Variants in FBXO2 observed in about 807,000 individuals in gnomAD.
FBXO2 encodes the protein F-box protein 2, also known as F-box only protein 2.
FBXO2 carries 32 observed loss-of-function variants against 38.6 expected under a neutral mutation model. That is an observed-to-expected ratio of 0.83 (90% CI 0.62 to 1.11). The LOEUF (loss-of-function observed/expected upper bound fraction) is 1.11, where lower values mean the gene tolerates loss of function less well. FBXO2 is among the 50% of genes most tolerant of loss of function. The pLI, the probability that FBXO2 is intolerant of heterozygous loss-of-function variation, is 0.00. For synonymous variants in FBXO2, 189 were observed against 182.9 expected, an observed-to-expected ratio of 1.03 and a Z score of -0.27; for missense variants, 450 against 418.3, an observed-to-expected ratio of 1.08 and a Z score of -0.66.
At chr1:11,652,981 G>T (rs1639554667) in intron 1 of FBXO2, among the ~76,000 whole-genome samples, 1 of 152,206 alleles carries the variant, frequency 6.6e-6, no homozygotes, top group South Asian at 2.1e-4. Context: ...TCTTTATGAT[G>T]TGGGGATTTA....
intron 1 of FBXO2, among the ~76,000 whole-genome samples, chr1:11,653,061 C>A (rs1330296622): frequency 6.6e-6 from 1 of 152,234 alleles, no homozygotes; most frequent in Non-Finnish European, 1.5e-5. Flanking sequence ...GACCACATCG[C>A]AGAACGGCAG....
intron 1 of FBXO2, among the ~76,000 whole-genome samples, chr1:11,653,859 C>A (rs1220388653): frequency 6.6e-6 from 1 of 152,180 alleles, no homozygotes; most frequent in Non-Finnish European, 1.5e-5. Context: ...GAGGGGCAGC[C>A]CCTCCAGACA....
At position 11,650,748 on chromosome 1, in the gene FBXO2, C is replaced by T. The variant is rs572164329; in HGVS notation, c.109G>A (p.Glu37Lys). ...AEEERPEDQQ[E>K]EEAAAAAAYL... ...GCGGCGGCGGCCGCCGCCTCCTCCT[C>T]CTGCTGGTCCTCCGGCCGCTCCTCC... Residue 37 changes from glutamate to lysine, a missense_variant, in exon 2 of 6, where the codon GAG becomes AAG. Glu to Lys is a moderately conservative substitution (Grantham distance 56). Transcript: ENST00000354287. 2.0e-6 allele frequency: 3 copies of T among 1,531,738 alleles called. No homozygotes were observed. Among genetic ancestry groups the T allele is most frequent in the East Asian group, 2.5e-5 (1 of 40,382 alleles). 94.9% of individuals were successfully genotyped at this position (1,531,738 alleles called of 1,614,324 possible).
chr1:11,648,528 G>T lies in FBXO2; in HGVS notation c.*166C>A. 1 of 974,436 alleles carries T rather than the reference G, an allele frequency of 1.0e-6. No homozygotes were observed. Among genetic ancestry groups the T allele is most frequent in the Non-Finnish European group, 1.5e-6 (1 of 671,122 alleles). 60.4% of individuals were successfully genotyped at this position (974,436 alleles called of 1,614,324 possible). A position where few individuals can be genotyped will look rare whatever the true frequency, so the allele number is the denominator to read the frequency against. On this transcript the variant is annotated 3_prime_UTR_variant, in exon 6 of 6. Coordinates refer to ENST00000354287, the MANE Select transcript of FBXO2 (RefSeq NM_012168.6). This position sits in a 1 kb window ranked among gnomAD's most constrained non-coding sequence, Gnocchi z 4.2. ...AAGCCGGCTACCTAAGCAAACCTAT[G>T]CCAACAAAACTTCTCTCTCCCTGCT...
chr1:11,652,433 G>A (rs1336289406), intron 1 of FBXO2, among the ~76,000 whole-genome samples: 1 of 152,184 alleles, frequency 6.6e-6, no homozygotes, highest in Non-Finnish European at 1.5e-5. Context: ...TAATCATTGT[G>A]CCAGGCCATA....
Position 11,650,642 on chromosome 1 carries a change from C to T in FBXO2, c.215G>A (p.Arg72His), listed in dbSNP as rs764170866. The T allele has an allele frequency of 1.3e-5, 21 of 1,574,060 alleles. No individual in the cohort carries two copies. The highest frequency in any genetic ancestry group is 1.8e-5 in the Admixed American group (1 of 56,238). Residue 72 changes from arginine (R) to histidine (H), a missense_variant, in exon 2 of 6, where the codon CGC becomes CAC. By Grantham distance (29) the Arg-to-His change is conservative (BLOSUM62 0). Coordinates refer to ENST00000354287, the MANE Select transcript of FBXO2 (RefSeq NM_012168.6). ...CTCCTTCCAGCGCAGGCACACCAGG[C>T]GGCAGGCCTGCACCAGCTCGGCGGC... ...LPAAELVQAC[R>H]LVCLRWKELV...
At chr1:11,654,143 A>G in intron 1 of FBXO2, 176 bp downstream of exon 1, 1 of 638,320 alleles carries the variant, frequency 1.6e-6, no homozygotes, top group Non-Finnish European at 2.5e-6. Flanking sequence ...CTCCCGCCAG[A>G]CCAAGATAGC....
At chr1:11,654,274 C>G (rs1207220371) in intron 1 of FBXO2, 45 bp downstream of exon 1, 1 of 1,487,256 alleles carries the variant, frequency 6.7e-7, no homozygotes, top group Non-Finnish European at 8.9e-7. Flanking sequence ...CCCGCCGACC[C>G]CATCTCCCCT....
Position 11,649,230 on chromosome 1 carries a change from T to C in FBXO2, c.618-5A>G, listed in dbSNP as rs879582563. 7.5e-7 allele frequency: 1 copy of C among 1,325,732 alleles called. No individual in the cohort carries two copies. Among genetic ancestry groups the C allele is most frequent in the Non-Finnish European group, 1.0e-6 (1 of 991,858 alleles). 82.1% of individuals were successfully genotyped at this position (1,325,732 alleles called of 1,614,324 possible). On this transcript the variant is annotated splice_polypyrimidine_tract_variant and splice_region_variant and intron_variant, in intron 4 of 5. Transcript: ENST00000354287. Reference sequence around the variant, plus strand: ...GCGTCGCTGCGGCCCGAGTACCTGCTCAGAGGGAGGGAGCGAGGTGGGGGG... The same window carrying C: ...GCGTCGCTGCGGCCCGAGTACCTGCCCAGAGGGAGGGAGCGAGGTGGGGGG...
At position 11,650,773 on chromosome 1, in the gene FBXO2, C is replaced by G; in HGVS notation, c.84G>C (p.Glu28Asp). 1 of 1,535,024 alleles carries G rather than the reference C, an allele frequency of 6.5e-7. No individual in the cohort carries two copies. The highest frequency in any genetic ancestry group is 8.7e-7 in the Non-Finnish European group (1 of 1,146,202). ...PEEQPEEASAEEERPEDQQEE... is the reference protein window; with the variant it reads ...PEEQPEEASADEERPEDQQEE... ...CCTGCTGGTCCTCCGGCCGCTCCTCCTCAGCACTCGCCTCCTCTGGCTGCT... is the reference window on the plus strand; with the variant it reads ...CCTGCTGGTCCTCCGGCCGCTCCTCGTCAGCACTCGCCTCCTCTGGCTGCT... Residue 28 changes from glutamate (E) to aspartate (D), a missense_variant, in exon 2 of 6, where the codon GAG (glutamate) becomes GAC (aspartate). Glu to Asp is a conservative substitution (Grantham distance 45). Transcript: ENST00000354287.
At position 11,649,488 on chromosome 1, in the gene FBXO2, C is replaced by T. The variant is rs1639476882; in HGVS notation, c.618-263G>A. 1.0e-5 allele frequency: 6 copies of T among 589,648 alleles called. No homozygotes were observed. In the Admixed American group the frequency reaches 1.8e-4, roughly 18 times the overall value. The allele number at this position is 589,648 out of a possible 1,614,324, so 36.5% of individuals were successfully genotyped here. ...CCAGCTTGGGGCCAAAGCCAGTCCACAGAGTGGCCTTTGGTTTGGACCGCA... is the reference window on the plus strand; with the variant it reads ...CCAGCTTGGGGCCAAAGCCAGTCCATAGAGTGGCCTTTGGTTTGGACCGCA... On this transcript the variant is annotated intron_variant, in intron 4 of 5. Coordinates refer to ENST00000354287, the MANE Select transcript of FBXO2 (RefSeq NM_012168.6).
intron 1 of FBXO2, chr1:11,654,071 T>G: frequency 4.6e-6 from 2 of 436,122 alleles, no homozygotes; most frequent in Non-Finnish European, 8.1e-6. Context: ...GGTCCTCTGG[T>G]GCTACTTCCT....
Position 11,650,718 on chromosome 1 carries a change from G to C in FBXO2, c.139C>G (p.Leu47Val). ...EEEAAAAAAYLDELPEPLLLR... is the reference protein window; with the variant it reads ...EEEAAAAAAYVDELPEPLLLR... ...AGCAGCGGCTCGGGCAGCTCGTCCAGGTACGCGGCGGCGGCCGCCGCCTCC... is the reference window on the plus strand; with the variant it reads ...AGCAGCGGCTCGGGCAGCTCGTCCACGTACGCGGCGGCGGCCGCCGCCTCC... The change falls in exon 2 of 6, where the codon CTG (leucine) becomes GTG (valine). Residue 47 changes from leucine to valine, a missense_variant. Coordinates refer to ENST00000354287, the MANE Select transcript of FBXO2 (RefSeq NM_012168.6). 3 of 1,516,702 alleles carry C rather than the reference G, an allele frequency of 2.0e-6. No individual in the cohort carries two copies. The highest frequency in any genetic ancestry group is 5.0e-5 in the East Asian group (2 of 39,958). 94.0% of individuals were successfully genotyped at this position (1,516,702 alleles called of 1,614,324 possible).
At chr1:11,651,289 G>C (rs1639517442) in intron 1 of FBXO2, among the ~76,000 whole-genome samples, 2 of 152,074 alleles carry the variant, frequency 1.3e-5, no homozygotes, top group Admixed American at 1.3e-4. Flanking sequence ...CCTGGGGTGT[G>C]ATCCTGTGAT....
chr1:11,652,719 G>A (rs1639547405), intron 1 of FBXO2, among the ~76,000 whole-genome samples: 1 of 152,188 alleles, frequency 6.6e-6, no homozygotes, highest in Non-Finnish European at 1.5e-5. Flanking sequence ...AGGCCCTGGA[G>A]AGCCAAGGCG....
In FBXO2 at chr1:11,648,972, T is replaced by TCAGCCCAGCTCAGCC. The variant is rs1639465177; in HGVS notation, c.756+114_756+115insGGCTGAGCTGGGCTG. 3 of 713,164 alleles carry TCAGCCCAGCTCAGCC rather than the reference T, an allele frequency of 4.2e-6. No homozygotes were observed. The highest frequency in any genetic ancestry group is 6.3e-6 in the Non-Finnish European group (3 of 475,540). The allele number at this position is 713,164 out of a possible 1,614,324, so 44.2% of individuals were successfully genotyped here. On this transcript the variant is annotated intron_variant, in intron 5 of 5. Coordinates refer to ENST00000354287, the MANE Select transcript of FBXO2 (RefSeq NM_012168.6). This position sits in a 1 kb window ranked among gnomAD's most constrained non-coding sequence, Gnocchi z 4.2. ...CTCTCTCCACCACCCGGTGACTATC[T>TCAGCCCAGCTCAGCC]CAGCCCAGCCCAGCCCAGCCCACCC...
chr1:11,650,955 G>A, intron 1 of FBXO2, 121 bp from the exon 2 acceptor site: 5 of 1,356,744 alleles, frequency 3.7e-6, no homozygotes, highest in Non-Finnish European at 4.8e-6. Flanking sequence ...GCTGGGGCCG[G>A]AGATTCTGTG....
At chr1:11,651,356 AAC>A (rs1408424696) in intron 1 of FBXO2, among the ~76,000 whole-genome samples, 2 of 152,148 alleles carry the variant, frequency 1.3e-5, no homozygotes. Flanking sequence ...TGGTCTGGAA[AAC>A]ACACAGCTTC....
chr1:11,648,985 G>GCCCAGCCCAC lies in FBXO2; in HGVS notation c.756+92_756+101dup, dbSNP rs1051938760. 6.4e-6 allele frequency: 9 copies of GCCCAGCCCAC among 1,404,488 alleles called. No homozygotes were observed. Among genetic ancestry groups the GCCCAGCCCAC allele is most frequent in the Non-Finnish European group, 8.7e-6 (9 of 1,031,396 alleles). 87.0% of individuals were successfully genotyped at this position (1,404,488 alleles called of 1,614,324 possible). ...CCGGTGACTATCTCAGCCCAGCCCA[G>GCCCAGCCCAC]CCCAGCCCACCCCAGCCCAGGAGCG... On this transcript the variant is annotated intron_variant, in intron 5 of 5. Transcript: ENST00000354287. This position sits in a 1 kb window ranked among gnomAD's most constrained non-coding sequence, Gnocchi z 4.2.
Sources: gnomAD v4.1 joint callset for allele counts (sites outside exome capture counted in the v4.1 genomes callset) on GRCh38, gnomAD v4.1.1 for gene constraint, Gnocchi (gnomAD v3.1) non-coding constraint, MANE v1.5 for transcripts, NCBI Gene and HGNC (gene_info 2026-07-23, HGNC 2026-07-21) for gene names.